The following TMEM106C variants were observed in gnomAD, a reference collection of about 807,000 sequenced individuals.
TMEM106C encodes endoplasmic reticulum membrane protein overexpressed in cancer.
Under a neutral mutation model 30.8 loss-of-function variants are expected in TMEM106C, and 27 were observed. That is an observed-to-expected ratio of 0.88 (90% CI 0.65 to 1.21). TMEM106C has a LOEUF of 1.21. Among genes scored for constraint, TMEM106C ranks in the 50% most tolerant of loss-of-function variants. TMEM106C has a pLI of 0.00. For missense variants in TMEM106C, 288 were observed against 307.8 expected, an observed-to-expected ratio of 0.94 and a Z score of 0.48; for synonymous variants, 123 against 118.8, an observed-to-expected ratio of 1.04 and a Z score of -0.23.
intron 2 of TMEM106C, 34 bp from the exon 3 acceptor site, chr12:47,965,248 G>T: frequency 6.3e-7 from 1 of 1,594,810 alleles, no homozygotes; most frequent in Non-Finnish European, 8.6e-7. Flanking sequence ...CCAACACATG[G>T]GATTTACAAA....
rs1401948467 is a variant in TMEM106C at position 47,965,863 on chromosome 12, C to G, written c.277C>G (p.Leu93Val). 5 of 1,614,108 alleles carry G rather than the reference C, an allele frequency of 3.1e-6. No individual in the cohort carries two copies. In the African/African-American group the frequency reaches 5.3e-5, roughly 17 times the overall value. ...RTKQYVLLSI[L>V]LCLLASGLVV... Reference sequence around the variant, plus strand: ...TAAGCAATATGTCCTCCTGTCCATCCTGCTTTGTCTCCTGGCATCTGGTTT... The same window carrying G: ...TAAGCAATATGTCCTCCTGTCCATCGTGCTTTGTCTCCTGGCATCTGGTTT... Residue 93 changes from leucine (L) to valine (V), a missense_variant, in exon 4 of 8, where the codon CTG (leucine) becomes GTG (valine). Physicochemically the swap from Leu to Val is conservative, Grantham distance 32. Coordinates refer to ENST00000429772, the MANE Select transcript of TMEM106C (RefSeq NM_001143842.2).
intron 1 of TMEM106C, 56 bp from the exon 2 acceptor site, chr12:47,964,153 G>C: frequency 1.4e-6 from 2 of 1,458,164 alleles, no homozygotes; most frequent in South Asian, 1.2e-5. Flanking sequence ...AGAAACAAGC[G>C]ATTTCTGTCG....
rs115910710 is a variant in TMEM106C at position 47,966,124 on chromosome 12, G to A, written c.447G>A (p.Thr149=). ...TLKIRNSNFY[T]VAVTSLSSQI... is the part of the protein sequence containing the mutation. ...AAATCAGGAACTCCAACTTCTACAC[G>A]GTGGCAGTGACCAGCCTGTCCAGCC... Residue 149 remains threonine (T), a synonymous_variant, in exon 5 of 8, where the codon ACG becomes ACA. Transcript: ENST00000429772. 1.9e-5 allele frequency: 30 copies of A among 1,614,170 alleles called. No individual in the cohort carries two copies. Among genetic ancestry groups the A allele is most frequent in the South Asian group, 6.6e-5 (6 of 91,082 alleles).
Position 47,966,739 on chromosome 12 carries a change from A to G in TMEM106C, c.602+7A>G, listed in dbSNP as rs201972634. Reference sequence around the variant, plus strand: ...GACCGTTTTCCTATGTGTAGTAAGGACACTGTTCTCTCTGTGTGTGCTCTC... The same window carrying G: ...GACCGTTTTCCTATGTGTAGTAAGGGCACTGTTCTCTCTGTGTGTGCTCTC... On this transcript the variant is annotated splice_region_variant and intron_variant, in intron 6 of 7. Coordinates refer to ENST00000429772, the MANE Select transcript of TMEM106C (RefSeq NM_001143842.2). 6.5e-4 allele frequency: 1,045 copies of G among 1,614,012 alleles called. No homozygotes were observed. Among genetic ancestry groups the G allele is most frequent in the Non-Finnish European group, 7.8e-4 (920 of 1,179,928 alleles).
Position 47,968,468 on chromosome 12 carries a change from A to G in TMEM106C, c.*239A>G, listed in dbSNP as rs1259129679. 3 of 578,660 alleles carry G rather than the reference A, an allele frequency of 5.2e-6. No individual in the cohort carries two copies. Among genetic ancestry groups the G allele is most frequent in the Non-Finnish European group, 6.4e-6 (2 of 313,848 alleles). The allele number at this position is 578,660 out of a possible 1,614,324, so 35.8% of individuals were successfully genotyped here. A position where few individuals can be genotyped will look rare whatever the true frequency, so the allele number is the denominator to read the frequency against. On this transcript the variant is annotated 3_prime_UTR_variant, in exon 8 of 8. Transcript: ENST00000429772. Reference sequence around the variant, plus strand: ...GTGCCCAGCAAATAGTTGGCACTCAATAAAGATTTGCAGAATTTAATACAG... The same window carrying G: ...GTGCCCAGCAAATAGTTGGCACTCAGTAAAGATTTGCAGAATTTAATACAG...
At chr12:47,966,543 T>C in intron 5 of TMEM106C, 140 bp from the exon 6 acceptor site, 2 of 958,676 alleles carry the variant, frequency 2.1e-6, no homozygotes, top group Admixed American at 4.0e-5. Context: ...TAGAGGCTCA[T>C]AGACTATATT....
intron 2 of TMEM106C, 114 bp downstream of exon 2, chr12:47,964,537 T>C: frequency 1.1e-6 from 1 of 944,774 alleles, no homozygotes; most frequent in Non-Finnish European, 1.6e-6. Flanking sequence ...GACAGTGCCC[T>C]GGACAGGAGC....
chr12:47,967,047 T>C, intron 6 of TMEM106C, 161 bp from the exon 7 acceptor site: 1 of 762,068 alleles, frequency 1.3e-6, no homozygotes, highest in East Asian at 2.4e-5. Flanking sequence ...TGTGGGAGGA[T>C]GAAAATGACA....
At chr12:47,964,059 T>G in intron 1 of TMEM106C, 150 bp from the exon 2 acceptor site, 1 of 651,474 alleles carries the variant, frequency 1.5e-6, no homozygotes, top group Non-Finnish European at 2.6e-6. Flanking sequence ...TACTACAAAA[T>G]GAGGGTCCCG....
At position 47,965,298 on chromosome 12, in the gene TMEM106C, G is replaced by A. The variant is rs911828960; in HGVS notation, c.204G>A (p.Leu68=). The change falls in exon 3 of 8, where the codon TTG becomes TTA. Residue 68 remains leucine, a synonymous_variant. Coordinates refer to ENST00000429772, the MANE Select transcript of TMEM106C (RefSeq NM_001143842.2). ...CTTTTCTAGAGCAAGTAAATGAGTTGGTGGCTTTGATCCCACACAGTGATC... is the reference window on the plus strand; with the variant it reads ...CTTTTCTAGAGCAAGTAAATGAGTTAGTGGCTTTGATCCCACACAGTGATC... The part of the protein sequence containing the change: ...GYIPTEQVNE[L]VALIPHSDQR... 6.2e-7 allele frequency: 1 copy of A among 1,613,994 alleles called. No individual in the cohort carries two copies. Among genetic ancestry groups the A allele is most frequent in the African/African-American group, 1.3e-5 (1 of 75,052 alleles).
chr12:47,968,641 G>A lies in TMEM106C; in HGVS notation c.*412G>A. On this transcript the variant is annotated 3_prime_UTR_variant, in exon 8 of 8. Coordinates refer to ENST00000429772, the MANE Select transcript of TMEM106C (RefSeq NM_001143842.2). ...TCTGTGCAGAAGTGGCAGCAGAGAG[G>A]GACCATCCAAATACCTAAGAGAAAA... 3.7e-6 allele frequency: 1 copy of A among 272,174 alleles called. No individual in the cohort carries two copies. The allele number at this position is 272,174 out of a possible 1,614,324, so 16.9% of individuals were successfully genotyped here. A position where few individuals can be genotyped will look rare whatever the true frequency, so the allele number is the denominator to read the frequency against.
rs771399501 is a variant in TMEM106C at position 47,966,237 on chromosome 12, G to C, written c.552+8G>C. 7 of 1,613,370 alleles carry C rather than the reference G, an allele frequency of 4.3e-6. No individual in the cohort carries two copies. The Admixed American group carries it at 6.7e-5, about 15-fold the overall frequency. ...CCTCGGAGTGAGCAACTGGTATGCT[G>C]TTCTTTTAGGAATCTTGCCCCACAG... is the stretch of plus-strand genomic sequence containing the variant. On this transcript the variant is annotated splice_region_variant and intron_variant, in intron 5 of 7. Coordinates refer to ENST00000429772, the MANE Select transcript of TMEM106C (RefSeq NM_001143842.2).
Position 47,966,744 on chromosome 12 carries a change from G to C in TMEM106C, c.602+12G>C, listed in dbSNP as rs1938238929. On this transcript the variant is annotated intron_variant, in intron 6 of 7. Transcript: ENST00000429772. ...TTTTCCTATGTGTAGTAAGGACACTGTTCTCTCTGTGTGTGCTCTCTACTG... is the reference window on the plus strand; with the variant it reads ...TTTTCCTATGTGTAGTAAGGACACTCTTCTCTCTGTGTGTGCTCTCTACTG... 4 of 1,613,990 alleles carry C rather than the reference G, an allele frequency of 2.5e-6. No individual in the cohort carries two copies. The highest frequency in any genetic ancestry group is 3.4e-6 in the Non-Finnish European group (4 of 1,179,880).
At position 47,965,345 on chromosome 12, in the gene TMEM106C, C is replaced by G. The variant is rs140955399; in HGVS notation, c.251C>G (p.Thr84Ser). ...HSDQRLRPQR[T>S]KQYVLLSILL... ...GATCAGAGATTGCGCCCTCAGCGAA[C>G]GTGAGTTACCTGCTTCTCACCTGTT... is the stretch of plus-strand genomic sequence containing the variant. The change falls in exon 3 of 8, where the codon ACT (threonine) becomes AGT (serine). Residue 84 changes from threonine (T) to serine (S), a missense_variant and splice_region_variant. Coordinates refer to ENST00000429772, the MANE Select transcript of TMEM106C (RefSeq NM_001143842.2). 8.7e-6 allele frequency: 14 copies of G among 1,613,842 alleles called. No homozygotes were observed. The highest frequency in any genetic ancestry group is 1.2e-5 in the Non-Finnish European group (14 of 1,179,760).
intron 5 of TMEM106C, 51 bp from the exon 6 acceptor site, chr12:47,966,632 T>A (rs1383567862): frequency 5.0e-6 from 8 of 1,595,018 alleles, no homozygotes; most frequent in Non-Finnish European, 6.9e-6. Context: ...ATAATACTGT[T>A]CTGTGTCAAG....
rs1466376556 is a variant in TMEM106C at position 47,968,370 on chromosome 12, G to A, written c.*141G>A. The A allele has an allele frequency of 4.2e-6, 3 of 717,874 alleles. No individual in the cohort carries two copies. The highest frequency in any genetic ancestry group is 7.5e-6 in the Non-Finnish European group (3 of 399,126). 44.5% of individuals were successfully genotyped at this position (717,874 alleles called of 1,614,324 possible). ...CTTAACTCCCAGCAAACATCCTCCTGCCACTTAGGAGGAAACACCTCCCTA... is the reference window on the plus strand; with the variant it reads ...CTTAACTCCCAGCAAACATCCTCCTACCACTTAGGAGGAAACACCTCCCTA... On this transcript the variant is annotated 3_prime_UTR_variant, in exon 8 of 8. Coordinates refer to ENST00000429772, the MANE Select transcript of TMEM106C (RefSeq NM_001143842.2).
chr12:47,967,220 G>A lies in TMEM106C; in HGVS notation c.615G>A (p.Thr205=), dbSNP rs34111422. 20,980 of 1,613,710 alleles carry A rather than the reference G, an allele frequency of 0.013. 1,217 individuals carry two copies. In the African/African-American group the frequency reaches 0.14, roughly 11 times the overall value. ...TGCTGTTTGGTAGCTTCTTCTGCACGGTACCTGAGATCCTGGTGCACAACA... is the reference window on the plus strand; with the variant it reads ...TGCTGTTTGGTAGCTTCTTCTGCACAGTACCTGAGATCCTGGTGCACAACA... ...GPFSYVYFFC[T]VPEILVHNIV... Residue 205 remains threonine, a synonymous_variant, in exon 7 of 8, where the codon ACG becomes ACA. Transcript: ENST00000429772.
Position 47,964,363 on chromosome 12 carries a change from T to A in TMEM106C, c.127T>A (p.Phe43Ile). 6.2e-7 allele frequency: 1 copy of A among 1,614,136 alleles called. No homozygotes were observed. Among genetic ancestry groups the A allele is most frequent in the Non-Finnish European group, 8.5e-7 (1 of 1,180,002 alleles). ...CATTGCTCAGTTCCCATATGTGGAATTCACCGGGAGAGATAGCATCACCTG... is the reference window on the plus strand; with the variant it reads ...CATTGCTCAGTTCCCATATGTGGAAATCACCGGGAGAGATAGCATCACCTG... ...EAIAQFPYVEFTGRDSITCLT... is the reference protein window; with the variant it reads ...EAIAQFPYVEITGRDSITCLT... Residue 43 changes from phenylalanine to isoleucine, a missense_variant, in exon 2 of 8, where the codon TTC (phenylalanine) becomes ATC (isoleucine). Physicochemically the swap from Phe to Ile is conservative, Grantham distance 21. Transcript: ENST00000429772.
chr12:47,964,359 G>C lies in TMEM106C; in HGVS notation c.123G>C (p.Val41=). The C allele has an allele frequency of 2.5e-6, 4 of 1,614,158 alleles. No homozygotes were observed. Among genetic ancestry groups the C allele is most frequent in the Middle Eastern group, 1.6e-4 (1 of 6,062 alleles). ...QEEAIAQFPY[V]EFTGRDSITC... ...AAGCCATTGCTCAGTTCCCATATGTGGAATTCACCGGGAGAGATAGCATCA... is the reference window on the plus strand; with the variant it reads ...AAGCCATTGCTCAGTTCCCATATGTCGAATTCACCGGGAGAGATAGCATCA... Residue 41 remains valine (V), a synonymous_variant, in exon 2 of 8, where the codon GTG becomes GTC. Coordinates refer to ENST00000429772, the MANE Select transcript of TMEM106C (RefSeq NM_001143842.2).
Sources: allele counts gnomAD v4.1 joint callset, GRCh38; gene constraint gnomAD v4.1.1; transcripts MANE v1.5; gene names NCBI Gene and HGNC (gene_info 2026-07-23, HGNC 2026-07-21).